ZDHHC17: variants seen among roughly 807,000 people sequenced by gnomAD.
ZDHHC17 encodes the protein zDHHC palmitoyltransferase 17.
In ZDHHC17, 40 loss-of-function variants were observed where a neutral mutation model predicts 90.3. The ratio of observed to expected loss-of-function variants is 0.44; its 90% CI spans 0.34 to 0.58. The LOEUF (loss-of-function observed/expected upper bound fraction) is 0.58. Ranked by LOEUF, ZDHHC17 falls within the 20% of genes least tolerant of loss-of-function variation. The probability of loss-of-function intolerance (pLI) is 0.01; values close to 1 mark genes in which losing one functional copy is unlikely to be tolerated. For missense variants in ZDHHC17, 614 were observed against 780.8 expected, an observed-to-expected ratio of 0.79 and a Z score of 2.55; for synonymous variants, 235 against 252.4, an observed-to-expected ratio of 0.93 and a Z score of 0.65.
intron 1 of ZDHHC17, among the ~76,000 whole-genome samples, chr12:76,788,177 G>A (rs1050725178): frequency 6.6e-6 from 1 of 152,216 alleles, no homozygotes; most frequent in South Asian, 2.1e-4. Context: ...CTAGAAGATT[G>A]CCAGTCTCCT....
chr12:76,764,569 A>G (rs1240096031), intron 1 of ZDHHC17: 30 of 572,702 alleles, frequency 5.2e-5, no homozygotes, highest in Non-Finnish European at 7.2e-5. Flanking sequence ...TGGAGGACAG[A>G]GGTGGAGGTG....
chr12:76,794,803 A>G (rs1952800423), intron 1 of ZDHHC17, among the ~76,000 whole-genome samples: 1 of 152,222 alleles, frequency 6.6e-6, no homozygotes, highest in South Asian at 2.1e-4. Flanking sequence ...GCATGAAAAT[A>G]AAATTAAAGT....
intron 1 of ZDHHC17, among the ~76,000 whole-genome samples, chr12:76,775,156 C>T (rs1392268885): frequency 3.9e-5 from 6 of 152,158 alleles, no homozygotes; most frequent in African/African-American, 1.4e-4. Context: ...ACACCTGCTG[C>T]CCCCATTTCA....
chr12:76,813,318 T>C, intron 5 of ZDHHC17: 1 of 448,278 alleles, frequency 2.2e-6, no homozygotes, highest in Middle Eastern at 3.3e-4. Flanking sequence ...CACAGGATTA[T>C]TTTAAAAAAT....
chr12:76,847,849 C>T (rs1953513457), intron 14 of ZDHHC17, among the ~76,000 whole-genome samples: 1 of 152,094 alleles, frequency 6.6e-6, no homozygotes, highest in Non-Finnish European at 1.5e-5. Context: ...CAGAGCGAGA[C>T]CTTGTCTGGA....
At chr12:76,808,041 G>A (rs1952975390) in intron 3 of ZDHHC17, among the ~76,000 whole-genome samples, 1 of 152,082 alleles carries the variant, frequency 6.6e-6, no homozygotes, top group Admixed American at 6.5e-5. Context: ...GTGGAATTGG[G>A]CCCTTCATTG....
At position 76,851,006 on chromosome 12, in the gene ZDHHC17, C is replaced by T. The variant is rs755393037; in HGVS notation, c.*21C>T. 4.3e-6 allele frequency: 7 copies of T among 1,613,254 alleles called. No individual in the cohort carries two copies. Among genetic ancestry groups the T allele is most frequent in the Non-Finnish European group, 5.1e-6 (6 of 1,179,640 alleles). On this transcript the variant is annotated 3_prime_UTR_variant, in exon 17 of 17. Coordinates refer to ENST00000426126, the MANE Select transcript of ZDHHC17 (RefSeq NM_015336.4). Reference sequence around the variant, plus strand: ...TGTAGCGACATCTTATCCTATGAAGCATATTGCTGAGTGGTGCCTGAAAAT... The same window carrying T: ...TGTAGCGACATCTTATCCTATGAAGTATATTGCTGAGTGGTGCCTGAAAAT...
intron 8 of ZDHHC17, among the ~76,000 whole-genome samples, chr12:76,823,190 T>G (rs1175221695): frequency 6.6e-6 from 1 of 152,236 alleles, no homozygotes; most frequent in Non-Finnish European, 1.5e-5. Context: ...AATGCTTGTT[T>G]GTTAGTATGA....
At chr12:76,836,873 G>C (rs979989596) in intron 10 of ZDHHC17, among the ~76,000 whole-genome samples, 1 of 152,156 alleles carries the variant, frequency 6.6e-6, no homozygotes, top group Non-Finnish European at 1.5e-5. Context: ...TCTTTCTAAT[G>C]AATTGAACCT....
intron 3 of ZDHHC17, among the ~76,000 whole-genome samples, chr12:76,806,103 A>G (rs1952950858): frequency 6.6e-6 from 1 of 152,082 alleles, no homozygotes. Context: ...AAGACATGAA[A>G]TTTTGTTGTT....
At chr12:76,815,491 G>A (rs565500281) in intron 6 of ZDHHC17, among the ~76,000 whole-genome samples, 8 of 151,598 alleles carry the variant, frequency 5.3e-5, no homozygotes, top group East Asian at 3.9e-4. Context: ...TTTACATATT[G>A]ACAAATTTAT....
At chr12:76,843,563 AGGT>A (rs1565807777) in intron 12 of ZDHHC17, among the ~76,000 whole-genome samples, 4 of 152,096 alleles carry the variant, frequency 2.6e-5, no homozygotes, top group African/African-American at 4.8e-5. Context: ...TAATAGAGTC[AGGT>A]ATAGCACTAT....
rs764278732 is a variant in ZDHHC17, at chr12:76,815,935, G to T, written c.687G>T (p.Leu229=). Residue 229 remains leucine, a synonymous_variant, in exon 7 of 17, where the codon CTG becomes CTT. Coordinates refer to ENST00000426126, the MANE Select transcript of ZDHHC17 (RefSeq NM_015336.4). ...LGDKYHKNTA[L]HWAVLAGNTT... ...ACAAGTATCACAAAAACACTGCTCTGCATTGGGCAGTGCTAGCAGGGAATA... is the reference window on the plus strand; with the variant it reads ...ACAAGTATCACAAAAACACTGCTCTTCATTGGGCAGTGCTAGCAGGGAATA... 2 of 1,582,158 alleles carry T rather than the reference G, an allele frequency of 1.3e-6. No homozygotes were observed. Among genetic ancestry groups the T allele is most frequent in the Middle Eastern group, 1.7e-4 (1 of 6,002 alleles).
At chr12:76,790,914 C>CAGT (rs1952752205) in intron 1 of ZDHHC17, among the ~76,000 whole-genome samples, 2 of 55,270 alleles carry the variant, frequency 3.6e-5, no homozygotes, top group South Asian at 1.1e-3. Flanking sequence ...GTATTACAGA[C>CAGT]TGACTAACAA....
intron 3 of ZDHHC17, among the ~76,000 whole-genome samples, chr12:76,807,716 T>C (rs1056677202): frequency 1.3e-5 from 2 of 152,154 alleles, no homozygotes; most frequent in African/African-American, 4.8e-5. Flanking sequence ...ATGGACCTAG[T>C]GATGATTTAA....
At chr12:76,775,448 A>G (rs1415633075) in intron 1 of ZDHHC17, among the ~76,000 whole-genome samples, 2 of 152,204 alleles carry the variant, frequency 1.3e-5, no homozygotes, top group African/African-American at 4.8e-5. Flanking sequence ...GAGCATGAAC[A>G]AGTTTTAGCA....
intron 8 of ZDHHC17, among the ~76,000 whole-genome samples, chr12:76,824,888 A>T (rs943681038): frequency 9.3e-5 from 14 of 151,194 alleles, no homozygotes; most frequent in East Asian, 1.9e-4. Context: ...AAAACAATTT[A>T]AAAAATCTTA....
chr12:76,828,584 T>C (rs1953259554), intron 10 of ZDHHC17, 94 bp downstream of exon 10: 2 of 984,942 alleles, frequency 2.0e-6, no homozygotes, highest in African/African-American at 1.7e-5. Flanking sequence ...GATCTACTCA[T>C]TCATAATACA....
intron 15 of ZDHHC17, among the ~76,000 whole-genome samples, chr12:76,849,121 A>G (rs1210351615): frequency 7.0e-6 from 1 of 143,280 alleles, no homozygotes; most frequent in Non-Finnish European, 1.5e-5. Flanking sequence ...CTATCTCTAA[A>G]AAAAAAAAAA....
Sources: allele counts gnomAD v4.1 joint callset (sites outside exome capture counted in the v4.1 genomes callset), GRCh38; gene constraint gnomAD v4.1.1; transcripts MANE v1.5; gene names NCBI Gene and HGNC (gene_info 2026-07-23, HGNC 2026-07-21).